The following ZFHX3 variants were observed in gnomAD, a reference collection of about 807,000 sequenced individuals.
ZFHX3 encodes zinc finger homeobox 3.
In ZFHX3, 42 loss-of-function variants were observed where a neutral mutation model predicts 279.1. That is an observed-to-expected ratio of 0.15 (90% CI 0.12 to 0.19). The LOEUF (loss-of-function observed/expected upper bound fraction) is 0.19, where lower values mean the gene tolerates loss of function less well. ZFHX3 is among the 10% of genes least tolerant of loss of function. The pLI, the probability that ZFHX3 is intolerant of heterozygous loss-of-function variation, is 1.00. For missense variants in ZFHX3, 4,981 were observed against 4,754.0 expected (o/e 1.05, Z -1.40); for synonymous variants, 2,293 against 1,957.8 (o/e 1.17, Z -4.52).
At chr16:73,863,641 C>A (rs1045233205) in intron 1 of ZFHX3, among the ~76,000 whole-genome samples, 1 of 152,204 alleles carries the variant, frequency 6.6e-6, no homozygotes, top group African/African-American at 2.4e-5. Flanking sequence ...TTCATTCCAA[C>A]ATAGATCAGT....
At chr16:73,118,816 C>G (rs1966462145) in intron 7 of ZFHX3, among the ~76,000 whole-genome samples, 1 of 152,142 alleles carries the variant, frequency 6.6e-6, no homozygotes, top group South Asian at 2.1e-4. Context: ...CAAAGGGGTG[C>G]ACAGTACTTG....
intron 2 of ZFHX3, among the ~76,000 whole-genome samples, chr16:73,482,844 C>T (rs1365352089): frequency 6.6e-6 from 1 of 152,156 alleles, no homozygotes; most frequent in Non-Finnish European, 1.5e-5. Context: ...TACATTTGTG[C>T]CTCACTTATT....
At chr16:73,318,980 C>T (rs966415733) in intron 3 of ZFHX3, among the ~76,000 whole-genome samples, 1 of 152,084 alleles carries the variant, frequency 6.6e-6, no homozygotes, top group African/African-American at 2.4e-5. Context: ...CCCCACCCCA[C>T]ACTTGTCTGC....
intron 3 of ZFHX3, among the ~76,000 whole-genome samples, chr16:73,321,790 C>T (rs904017909): frequency 6.6e-6 from 1 of 152,228 alleles, no homozygotes; most frequent in East Asian, 1.9e-4. Context: ...GTCCCTCTCC[C>T]CCAAAGGGTA....
chr16:73,390,690 G>A (rs534232988), intron 3 of ZFHX3, among the ~76,000 whole-genome samples: 6 of 152,194 alleles, frequency 3.9e-5, no homozygotes, highest in Admixed American at 1.3e-4. Flanking sequence ...CCATGAGACC[G>A]TAACAAAGGA....
intron 4 of ZFHX3, among the ~76,000 whole-genome samples, chr16:72,855,716 G>T (rs1359171204): frequency 6.6e-6 from 1 of 152,076 alleles, no homozygotes; most frequent in African/African-American, 2.4e-5. Flanking sequence ...TAATGCTCGC[G>T]CCAGAGAAAC....
chr16:72,963,262 C>A (rs1597025499), intron 1 of ZFHX3, among the ~76,000 whole-genome samples: 1 of 152,172 alleles, frequency 6.6e-6, no homozygotes, highest in Non-Finnish European at 1.5e-5. Flanking sequence ...GGTACAGGTT[C>A]ACACCCCTCC....
intron 3 of ZFHX3, among the ~76,000 whole-genome samples, chr16:73,455,597 C>G (rs1567489506): frequency 1.3e-5 from 2 of 152,144 alleles, no homozygotes; most frequent in African/African-American, 4.8e-5. Context: ...AAGCTCCAAC[C>G]CATTCAAAGG....
At chr16:73,216,929 G>A (rs1157242773) in intron 5 of ZFHX3, among the ~76,000 whole-genome samples, 2 of 152,138 alleles carry the variant, frequency 1.3e-5, no homozygotes, top group African/African-American at 4.8e-5. Flanking sequence ...AAATATCCCT[G>A]AAGGTCGTAA....
At chr16:73,764,443 A>C (rs2053905746) in intron 1 of ZFHX3, among the ~76,000 whole-genome samples, 1 of 152,158 alleles carries the variant, frequency 6.6e-6, no homozygotes, top group Non-Finnish European at 1.5e-5. Flanking sequence ...AAGACTGCAG[A>C]GGGGAGGGGG....
At chr16:73,615,965 G>C (rs189761413) in intron 2 of ZFHX3, among the ~76,000 whole-genome samples, 1 of 152,274 alleles carries the variant, frequency 6.6e-6, no homozygotes, top group African/African-American at 2.4e-5. Context: ...AGAGATTTGT[G>C]TGATTTCATA....
At chr16:73,301,103 C>T (rs1169757090) in intron 4 of ZFHX3, among the ~76,000 whole-genome samples, 1 of 152,188 alleles carries the variant, frequency 6.6e-6, no homozygotes, top group Non-Finnish European at 1.5e-5. Flanking sequence ...TTCCAGAAGT[C>T]TCAAATCTGG....
At chr16:73,156,972 A>G (rs1567405114) in intron 5 of ZFHX3, among the ~76,000 whole-genome samples, 1 of 152,146 alleles carries the variant, frequency 6.6e-6, no homozygotes, top group Non-Finnish European at 1.5e-5. Flanking sequence ...TCGGCCTCCC[A>G]AAGTGCTTGG....
chr16:73,749,361 A>ACCT (rs112864998), intron 1 of ZFHX3, among the ~76,000 whole-genome samples: 15,959 of 151,756 alleles, frequency 0.11, 1,416 homozygotes, highest in African/African-American at 0.25. Context: ...CACCACCACC[A>ACCT]CTTCCAGGTA....
At chr16:72,911,418 CT>C in intron 3 of ZFHX3, among the ~76,000 whole-genome samples, 1 of 152,298 alleles carries the variant, frequency 6.6e-6, no homozygotes, top group South Asian at 2.1e-4. Context: ...ATCCAAGTCA[CT>C]TACATTTGGA....
At chr16:72,831,596 A>G (rs2037060894) in intron 4 of ZFHX3, among the ~76,000 whole-genome samples, 1 of 152,206 alleles carries the variant, frequency 6.6e-6, no homozygotes, top group Non-Finnish European at 1.5e-5. Flanking sequence ...TCAGTAGAGT[A>G]ATAACAAATT....
chr16:73,354,188 A>T (rs2016295701), intron 3 of ZFHX3, among the ~76,000 whole-genome samples: 1 of 152,200 alleles, frequency 6.6e-6, no homozygotes, highest in Admixed American at 6.5e-5. Context: ...GGACATCCTT[A>T]TGCTAAAAAA....
At chr16:73,758,387 C>T (rs1036200060) in intron 1 of ZFHX3, among the ~76,000 whole-genome samples, 9 of 152,192 alleles carry the variant, frequency 5.9e-5, no homozygotes, top group African/African-American at 2.2e-4. Context: ...TCTAACCTAG[C>T]TCAAATTCAG....
At chr16:73,033,515 G>A (rs926730877) in intron 1 of ZFHX3, among the ~76,000 whole-genome samples, 6 of 151,664 alleles carry the variant, frequency 4.0e-5, no homozygotes, top group Non-Finnish European at 7.4e-5. Context: ...TGACTGGGGG[G>A]AAAGGGGGCA....
Sources: allele counts gnomAD v4.1 joint callset (sites outside exome capture counted in the v4.1 genomes callset), GRCh38; gene constraint gnomAD v4.1.1; transcripts MANE v1.5; gene names NCBI Gene and HGNC (gene_info 2026-07-23, HGNC 2026-07-21).